Variants in BRINP2 observed in about 807,000 individuals in gnomAD.
The protein encoded by BRINP2 is BMP/retinoic acid inducible neural specific 2.
Under a neutral mutation model 69.2 loss-of-function variants are expected in BRINP2, and 21 were observed. The ratio of observed to expected loss-of-function variants is 0.30; its 90% confidence interval spans 0.22 to 0.44. BRINP2 has a LOEUF of 0.44. Among genes scored for constraint, BRINP2 ranks in the 20% least tolerant of loss-of-function variants. The pLI, the probability that BRINP2 is intolerant of heterozygous loss-of-function variation, is 1.00. For missense variants in BRINP2, 877 were observed against 986.0 expected (o/e 0.89, Z 1.48); for synonymous variants, 380 against 394.1 (o/e 0.96, Z 0.42).
At chr1:177,207,386 G>A (rs1322237376) in intron 1 of BRINP2, among the ~76,000 whole-genome samples, 1 of 152,152 alleles carries the variant, frequency 6.6e-6, no homozygotes, top group African/African-American at 2.4e-5. Flanking sequence ...CATTTAAGGG[G>A]GAAGAGTAGG....
Position 177,248,435 on chromosome 1 carries a change from T to TTG in BRINP2, c.270-7465_270-7464dup, listed in dbSNP as rs138306668. On this transcript the variant is annotated intron_variant, in intron 2 of 7. Coordinates refer to ENST00000361539, the MANE Select transcript of BRINP2 (RefSeq NM_021165.4). ...GATTTCAGCTTCACTGAGGTACAGT[T>TTG]TGTGTGTGTGTGTGTGTGTGCGTGC... Among the ~76,000 whole-genome samples, 1,064 of 147,324 alleles carry TTG rather than the reference T, an allele frequency of 7.2e-3. 6 individuals are homozygous for TTG. Among genetic ancestry groups the TTG allele is most frequent in the South Asian group, 0.026 (121 of 4,574 alleles).
intron 2 of BRINP2, among the ~76,000 whole-genome samples, chr1:177,243,496 G>A (rs889305788): frequency 6.6e-6 from 1 of 152,138 alleles, no homozygotes; most frequent in Non-Finnish European, 1.5e-5. Context: ...ATACAGGTTT[G>A]TTGCTGAGCT....
chr1:177,178,128 C>T (rs988045870), intron 1 of BRINP2, among the ~76,000 whole-genome samples: 1 of 152,200 alleles, frequency 6.6e-6, no homozygotes, highest in South Asian at 2.1e-4. Flanking sequence ...CCTCACCCCT[C>T]GTGCTACTGT....
chr1:177,183,398 T>C (rs918117962), intron 1 of BRINP2, among the ~76,000 whole-genome samples: 1 of 152,224 alleles, frequency 6.6e-6, no homozygotes, highest in African/African-American at 2.4e-5. Context: ...AGAGTAATGA[T>C]GGATTTTGCT....
intron 1 of BRINP2, 48 bp from the exon 2 acceptor site, chr1:177,229,753 A>G (rs1649805094): frequency 7.4e-7 from 1 of 1,346,146 alleles, no homozygotes; most frequent in Non-Finnish European, 1.0e-6. Context: ...TCACAGGCCC[A>G]TGGGGTAACA....
intron 1 of BRINP2, among the ~76,000 whole-genome samples, chr1:177,202,804 G>T (rs10753146): frequency 6.6e-6 from 1 of 152,140 alleles, no homozygotes; most frequent in South Asian, 2.1e-4. Flanking sequence ...TTAGAATGGC[G>T]ATCATTAAAA....
At chr1:177,254,445 T>C (rs1650688951) in intron 2 of BRINP2, among the ~76,000 whole-genome samples, 1 of 151,922 alleles carries the variant, frequency 6.6e-6, no homozygotes. Context: ...AGCAGTAACA[T>C]TTATTACTTT....
At chr1:177,269,851 G>T (rs1194713960) in intron 4 of BRINP2, among the ~76,000 whole-genome samples, 1 of 152,160 alleles carries the variant, frequency 6.6e-6, no homozygotes, top group Non-Finnish European at 1.5e-5. Flanking sequence ...CTCAAGGCAG[G>T]ATGGTCTCTG....
Position 177,281,386 on chromosome 1 carries a change from G to C in BRINP2, c.2210G>C (p.Arg737Pro). The C allele has an allele frequency of 6.2e-7, 1 of 1,614,094 alleles. No homozygotes were observed. The highest frequency in any genetic ancestry group is 8.5e-7 in the Non-Finnish European group (1 of 1,180,032). The stretch of plus-strand genomic sequence containing the variant: ...CAGCTTTCTCCACCTGGCAAAGTCC[G>C]ACTTGACCTTTTCTCCTGCTTGCTC... ...VNQLSPPGKVRLDLFSCLLRH... is the reference protein window; with the variant it reads ...VNQLSPPGKVPLDLFSCLLRH... Residue 737 changes from arginine (R) to proline (P), a missense_variant, in exon 8 of 8, where the codon CGA becomes CCA. This residue lies in a region of BRINP2 where 225 missense variants were observed against 218.7 expected (regional missense o/e 1.03). Coordinates refer to ENST00000361539, the MANE Select transcript of BRINP2 (RefSeq NM_021165.4).
chr1:177,178,734 C>T (rs930886289), intron 1 of BRINP2, among the ~76,000 whole-genome samples: 3 of 152,126 alleles, frequency 2.0e-5, no homozygotes, highest in African/African-American at 4.8e-5. Context: ...ACATACTTCT[C>T]TGAAAATACT....
At chr1:177,196,408 G>T (rs1203474040) in intron 1 of BRINP2, among the ~76,000 whole-genome samples, 6 of 151,940 alleles carry the variant, frequency 3.9e-5, no homozygotes, top group African/African-American at 1.4e-4. Flanking sequence ...ACCTGAGGTC[G>T]GGAGTTTGAG....
At chr1:177,232,238 A>G (rs1649879842) in intron 2 of BRINP2, among the ~76,000 whole-genome samples, 1 of 152,132 alleles carries the variant, frequency 6.6e-6, no homozygotes, top group African/African-American at 2.4e-5. Flanking sequence ...CCCTCAGGAG[A>G]GTTTTCTTCC....
intron 1 of BRINP2, among the ~76,000 whole-genome samples, chr1:177,180,535 T>C (rs965455018): frequency 2.0e-5 from 3 of 152,224 alleles, no homozygotes; most frequent in Non-Finnish European, 4.4e-5. Context: ...CCCTGAATTA[T>C]ACAAGGACAT....
At chr1:177,181,220 A>G (rs1479792868) in intron 1 of BRINP2, among the ~76,000 whole-genome samples, 1 of 152,268 alleles carries the variant, frequency 6.6e-6, no homozygotes, top group Non-Finnish European at 1.5e-5. Context: ...AGCCTCTTCA[A>G]CAGTGGACTG....
chr1:177,195,000 A>G (rs995249048), intron 1 of BRINP2, among the ~76,000 whole-genome samples: 1 of 152,152 alleles, frequency 6.6e-6, no homozygotes, highest in Non-Finnish European at 1.5e-5. Context: ...CCTCTCGATC[A>G]TCTATTGTAT....
Position 177,244,801 on chromosome 1 carries a change from G to A in BRINP2, c.270-11118G>A, listed in dbSNP as rs185922298. ...AGAGCAGCACCTGCAGTACCTGGAG[G>A]AAGCAGTTCTCATAGTAAGGGCAGA... On this transcript the variant is annotated intron_variant, in intron 2 of 7. Coordinates refer to ENST00000361539, the MANE Select transcript of BRINP2 (RefSeq NM_021165.4). Among the ~76,000 whole-genome samples, 4 of 152,274 alleles carry A rather than the reference G, an allele frequency of 2.6e-5. No homozygotes were observed. In the East Asian group the frequency reaches 7.7e-4, roughly 29 times the overall value.
At position 177,282,061 on chromosome 1, in the gene BRINP2, C is replaced by T. The variant is rs937003251; in HGVS notation, c.*533C>T. On this transcript the variant is annotated 3_prime_UTR_variant, in exon 8 of 8. Transcript: ENST00000361539. ...TTGTATGCTGCCTCCTCTGTGCCCTCCCAGACGCTGACTGGGAAACACAAG... is the reference window on the plus strand; with the variant it reads ...TTGTATGCTGCCTCCTCTGTGCCCTTCCAGACGCTGACTGGGAAACACAAG... 5.2e-5 allele frequency: 8 copies of T among 152,980 alleles called. No individual in the cohort carries two copies. Among genetic ancestry groups the T allele is most frequent in the African/African-American group, 1.9e-4 (8 of 41,538 alleles). The allele number at this position is 152,980 out of a possible 1,614,324, so 9.5% of individuals were successfully genotyped here.
intron 1 of BRINP2, among the ~76,000 whole-genome samples, chr1:177,227,075 G>A (rs376970526): frequency 6.5e-4 from 99 of 152,276 alleles, no homozygotes; most frequent in African/African-American, 2.0e-3. Context: ...TCATTGAATC[G>A]TAACTCAAAT....
chr1:177,225,420 T>C (rs1199120083), intron 1 of BRINP2, among the ~76,000 whole-genome samples: 1 of 152,250 alleles, frequency 6.6e-6, no homozygotes, highest in Non-Finnish European at 1.5e-5. Context: ...ATAATTCTTT[T>C]CATAAAGGAA....
Sources: allele counts gnomAD v4.1 joint callset (sites outside exome capture counted in the v4.1 genomes callset), GRCh38; gene constraint gnomAD v4.1.1; regional missense constraint gnomAD v4.1.1; transcripts MANE v1.5; gene names NCBI Gene and HGNC (gene_info 2026-07-23, HGNC 2026-07-21).